The following MACF1 variants were observed in gnomAD, a reference collection of about 807,000 sequenced individuals.
The protein encoded by MACF1 is microtubule actin crosslinking factor 1.
MACF1 carries 193 observed loss-of-function variants against 854.8 expected under a neutral mutation model. The ratio of observed to expected loss-of-function variants is 0.23; its 90% CI spans 0.20 to 0.25. The LOEUF (loss-of-function observed/expected upper bound fraction) is 0.25. Among genes scored for constraint, MACF1 ranks in the 10% least tolerant of loss-of-function variants. The pLI, the probability that MACF1 is intolerant of heterozygous loss-of-function variation, is 1.00. For missense variants in MACF1, 7,722 were observed against 8,929.1 expected (o/e 0.86, Z 5.45); for synonymous variants, 3,185 against 3,226.7 (o/e 0.99, Z 0.44).
chr1:39,304,494 AT>A, intron 23 of MACF1: 2 of 1,426,344 alleles, frequency 1.4e-6, no homozygotes. Context: ...TTTCCTTGAG[AT>A]TTTTCTGGAA....
In MACF1 at chr1:39,207,435, C is replaced by A. The variant is rs1185143506; in HGVS notation, c.109+2304C>A. Among the ~76,000 whole-genome samples, 3 of 152,056 alleles carry A rather than the reference C, an allele frequency of 2.0e-5. No individual in the cohort carries two copies. In the South Asian group the frequency reaches 6.2e-4, roughly 32 times the overall value. On this transcript the variant is annotated intron_variant, in intron 1 of 100. Transcript: ENST00000564288. ...AGCTGGTAATACAGGCATGTGCCAC[C>A]ACAGCCGGCTGATTTTGTATTTTTA...
At chr1:39,352,129 A>T (rs1647202327) in intron 43 of MACF1, among the ~76,000 whole-genome samples, 2 of 152,198 alleles carry the variant, frequency 1.3e-5, no homozygotes, top group African/African-American at 4.8e-5. Context: ...CTAATGAGGA[A>T]AGTGGAGAAC....
chr1:39,382,404 G>A (rs573599875), intron 56 of MACF1, among the ~76,000 whole-genome samples: 1 of 152,006 alleles, frequency 6.6e-6, no homozygotes, highest in South Asian at 2.1e-4. Context: ...ACTAAATTGT[G>A]GAATTACATT....
At chr1:39,159,662 G>A (rs769617556) in intron 2 of MACF1, among the ~76,000 whole-genome samples, 2 of 152,230 alleles carry the variant, frequency 1.3e-5, no homozygotes, top group Admixed American at 6.5e-5. Context: ...CAGATGTGAT[G>A]TAGGACTCTT....
chr1:39,084,244 T>C lies in MACF1; in HGVS notation c.26T>C (p.Leu9Pro), dbSNP rs925177562. 2 of 1,611,748 alleles carry C rather than the reference T, an allele frequency of 1.2e-6. No individual in the cohort carries two copies. The highest frequency in any genetic ancestry group is 1.7e-5 in the Admixed American group (1 of 59,632). Residue 9 changes from leucine to proline, a missense_variant, in exon 2 of 94, where the codon CTC (leucine) becomes CCC (proline). Transcript: ENST00000361689. The surrounding 1 kb of genome is among the most constrained non-coding windows in gnomAD (Gnocchi z 5.2). The stretch of plus-strand genomic sequence containing the variant: ...ATGTCTTCCTCAGATGAAGAGACGC[T>C]CAGTGAGCGGTCATGTCGGAGTGAG...
At chr1:39,247,610 A>G (rs1184332449) in intron 2 of MACF1, among the ~76,000 whole-genome samples, 8 of 152,192 alleles carry the variant, frequency 5.3e-5, no homozygotes, top group Non-Finnish European at 1.2e-4. Flanking sequence ...GTAGCTTGAA[A>G]TTGGTTGTAT....
At chr1:39,379,169 G>A in intron 53 of MACF1, 34 bp from the exon 54 acceptor site, 2 of 1,539,844 alleles carry the variant, frequency 1.3e-6, no homozygotes, top group Non-Finnish European at 1.7e-6. Flanking sequence ...TCGAAGAGCT[G>A]TCTCCAATCT....
intron 68 of MACF1, 148 bp downstream of exon 68, chr1:39,433,303 T>C: frequency 1.9e-6 from 1 of 534,118 alleles, no homozygotes; most frequent in Non-Finnish European, 3.4e-6. Context: ...TTCTGGGGAA[T>C]TCAGAATCTT....
At chr1:39,425,067 A>G (rs546398621) in intron 61 of MACF1, among the ~76,000 whole-genome samples, 3 of 152,052 alleles carry the variant, frequency 2.0e-5, no homozygotes, top group Admixed American at 6.5e-5. Flanking sequence ...TGTACTGCTT[A>G]TTTTCTTTTC....
At chr1:39,239,621 G>C (rs113008284) in intron 2 of MACF1, among the ~76,000 whole-genome samples, 23 of 152,280 alleles carry the variant, frequency 1.5e-4, no homozygotes, top group African/African-American at 5.3e-4. Context: ...ATATCTCTGG[G>C]TGCTGTTAGC....
intron 58 of MACF1, chr1:39,414,428 T>G (rs1447009051): frequency 6.2e-7 from 1 of 1,614,022 alleles, no homozygotes; most frequent in South Asian, 1.1e-5. Context: ...AGCACAGTGC[T>G]ACATGGGAAA....
At chr1:39,243,362 T>A (rs1005621804) in intron 2 of MACF1, among the ~76,000 whole-genome samples, 1 of 152,218 alleles carries the variant, frequency 6.6e-6, no homozygotes, top group Non-Finnish European at 1.5e-5. Context: ...GCATCCTTAT[T>A]GATGATTCCT....
chr1:39,337,394 G>C, intron 38 of MACF1, 63 bp downstream of exon 38: 1 of 1,566,898 alleles, frequency 6.4e-7, no homozygotes, highest in South Asian at 1.2e-5. Flanking sequence ...CATCTTCCTT[G>C]AAGATTTCAA....
At chr1:39,093,971 G>T (rs1469275680) in intron 2 of MACF1, among the ~76,000 whole-genome samples, 5 of 151,844 alleles carry the variant, frequency 3.3e-5, no homozygotes, top group Admixed American at 6.6e-5. Context: ...TAGAAATGGG[G>T]TTTCACCGCG....
At position 39,322,989 on chromosome 1, in the gene MACF1, G is replaced by A. The variant is rs769502263; in HGVS notation, c.4217G>A (p.Arg1406Gln). The change falls in exon 33 of 101, where the codon CGG becomes CAG. Residue 1406 changes from arginine to glutamine, a missense_variant. Coordinates refer to ENST00000564288, the MANE Select transcript of MACF1 (RefSeq NM_001394062.1). The stretch of plus-strand genomic sequence containing the variant: ...GTGAAATACATCAGTGATGCACTCC[G>A]GCGTCTGGAGGAGGAGGAGGTGAGG... ...QHVKYISDAL[R>Q]RLEEEEKVVE... 3.2e-5 allele frequency: 51 copies of A among 1,613,938 alleles called. No individual in the cohort carries two copies. The highest frequency in any genetic ancestry group is 3.9e-5 in the Non-Finnish European group (46 of 1,179,960).
chr1:39,327,189 T>C (rs746976208), intron 35 of MACF1, 29 bp from the exon 36 acceptor site: 51 of 1,523,812 alleles, frequency 3.3e-5, no homozygotes, highest in Non-Finnish European at 4.5e-5. Context: ...TTTTTTCTCC[T>C]AAAAAAGCTT....
At chr1:39,346,663 G>A (rs1647055138) in intron 40 of MACF1, among the ~76,000 whole-genome samples, 1 of 151,856 alleles carries the variant, frequency 6.6e-6, no homozygotes, top group Admixed American at 6.6e-5. Context: ...GGGACTACAG[G>A]CGCCTGCCAC....
chr1:39,420,166 A>G (rs1353955228), intron 58 of MACF1, among the ~76,000 whole-genome samples: 1 of 152,232 alleles, frequency 6.6e-6, no homozygotes, highest in Non-Finnish European at 1.5e-5. Flanking sequence ...GCTGGCTGTC[A>G]TGTTGGAAAG....
Position 39,452,145 on chromosome 1 carries a change from T to C in MACF1, c.20419-11T>C, listed in dbSNP as rs534784891. On this transcript the variant is annotated splice_polypyrimidine_tract_variant and intron_variant, in intron 85 of 100. Transcript: ENST00000564288. ...CCTTGAACAAACAAATTCTCCTATT[T>C]TCTTTTCTAGGTTTTCCAGAAGGAA... 6.3e-7 allele frequency: 1 copy of C among 1,577,978 alleles called. No homozygotes were observed. The highest frequency in any genetic ancestry group is 1.4e-5 in the African/African-American group (1 of 73,420).
Sources: allele counts gnomAD v4.1 joint callset (sites outside exome capture counted in the v4.1 genomes callset), GRCh38; gene constraint gnomAD v4.1.1; non-coding constraint Gnocchi (gnomAD v3.1); transcripts MANE v1.5; gene names NCBI Gene and HGNC (gene_info 2026-07-23, HGNC 2026-07-21).